BBS9: variants seen among roughly 807,000 people sequenced by gnomAD.
The protein encoded by BBS9 is protein PTHB1.
In BBS9, 89 loss-of-function variants were observed where a neutral mutation model predicts 117.7. That is an observed-to-expected ratio of 0.76 (90% CI 0.64 to 0.90). The LOEUF is 0.90. BBS9 is among the 40% of genes least tolerant of loss of function. The pLI is 0.00. For missense variants in BBS9, 982 were observed against 1,042.2 expected, an observed-to-expected ratio of 0.94 and a Z score of 0.80; for synonymous variants, 379 against 370.9, an observed-to-expected ratio of 1.02 and a Z score of -0.25.
At chr7:33,358,981 C>T (rs181746593) in intron 16 of BBS9, among the ~76,000 whole-genome samples, 2 of 151,760 alleles carry the variant, frequency 1.3e-5, no homozygotes, top group East Asian at 1.9e-4. Flanking sequence ...AAATATTTTA[C>T]TACAATTATT....
chr7:33,364,305 G>A (rs972048284), intron 16 of BBS9, among the ~76,000 whole-genome samples: 2 of 152,074 alleles, frequency 1.3e-5, no homozygotes, highest in African/African-American at 4.8e-5. Context: ...TTGTATCTAT[G>A]TTCATGAGAG....
downstream of BBS9, among the ~76,000 whole-genome samples, chr7:33,610,597 G>A (rs112439272): frequency 2.3e-4 from 35 of 152,064 alleles, no homozygotes; most frequent in Non-Finnish European, 4.3e-4. Context: ...CTCTTCATGA[G>A]GGCAGAGCCC....
At chr7:33,390,658 AGT>A in intron 19 of BBS9, 1 of 924,828 alleles carries the variant, frequency 1.1e-6, no homozygotes, top group Non-Finnish European at 1.3e-6. Context: ...CCGTTTAGTC[AGT>A]TTTTTAATGA....
intron 19 of BBS9, among the ~76,000 whole-genome samples, chr7:33,416,316 G>A (rs1307544905): frequency 6.6e-6 from 1 of 150,628 alleles, no homozygotes; most frequent in African/African-American, 2.4e-5. Context: ...CTTCACCACT[G>A]GTATTGTCTC....
At chr7:33,417,076 A>G (rs1230212814) in intron 19 of BBS9, among the ~76,000 whole-genome samples, 1 of 152,336 alleles carries the variant, frequency 6.6e-6, no homozygotes, top group East Asian at 1.9e-4. Flanking sequence ...TATGCACCCC[A>G]ATAGCTACAA....
intron 21 of BBS9, among the ~76,000 whole-genome samples, chr7:33,623,553 A>G (rs764026507): frequency 3.3e-5 from 5 of 151,872 alleles, no homozygotes; most frequent in Non-Finnish European, 5.9e-5. Flanking sequence ...ATCTTGCCCA[A>G]TAGGAATTTT....
intron 17 of BBS9, among the ~76,000 whole-genome samples, chr7:33,368,820 G>C (rs1563074800): frequency 6.6e-6 from 1 of 152,084 alleles, no homozygotes; most frequent in Non-Finnish European, 1.5e-5. Flanking sequence ...TTTAGAAACT[G>C]TAACAATGTT....
intron 21 of BBS9, among the ~76,000 whole-genome samples, chr7:33,612,710 C>T (rs912518370): frequency 2.0e-5 from 3 of 152,122 alleles, no homozygotes; most frequent in Admixed American, 2.0e-4. Flanking sequence ...GTCTTGTTTG[C>T]CTGATTATCC....
intron 9 of BBS9, among the ~76,000 whole-genome samples, chr7:33,302,047 C>G (rs555967317): frequency 9.3e-4 from 142 of 152,268 alleles, no homozygotes; most frequent in African/African-American, 3.2e-3. Context: ...AGCACCTTCT[C>G]ATATGCTTGT....
chr7:33,378,715 A>C (rs1314392817), intron 17 of BBS9, among the ~76,000 whole-genome samples: 2 of 152,230 alleles, frequency 1.3e-5, no homozygotes, highest in Non-Finnish European at 2.9e-5. Flanking sequence ...AGTTTGGGGC[A>C]CTGCTGCCTT....
intron 5 of BBS9, among the ~76,000 whole-genome samples, chr7:33,218,539 A>G (rs574341268): frequency 1.3e-5 from 2 of 152,362 alleles, no homozygotes; most frequent in Non-Finnish European, 2.9e-5. Flanking sequence ...TATTAACCAC[A>G]TGTGGCATTG....
chr7:33,436,612 A>G (rs1835337744), intron 19 of BBS9, among the ~76,000 whole-genome samples: 1 of 152,234 alleles, frequency 6.6e-6, no homozygotes, highest in African/African-American at 2.4e-5. Flanking sequence ...TTATTTGTTA[A>G]GACTCACCTC....
intron 9 of BBS9, among the ~76,000 whole-genome samples, chr7:33,320,970 CTTA>C (rs1811590696): frequency 6.6e-6 from 1 of 152,018 alleles, no homozygotes; most frequent in African/African-American, 2.4e-5. Flanking sequence ...CCCAGACCCA[CTTA>C]TTGAAGAGAC....
intron 6 of BBS9, among the ~76,000 whole-genome samples, chr7:33,261,393 G>A (rs1797960445): frequency 6.6e-6 from 1 of 152,204 alleles, no homozygotes; most frequent in Admixed American, 6.5e-5. Context: ...ACTGATAAAA[G>A]AGTGAAAAGT....
At chr7:33,293,192 A>T (rs981679830) in intron 9 of BBS9, among the ~76,000 whole-genome samples, 1 of 152,026 alleles carries the variant, frequency 6.6e-6, no homozygotes, top group African/African-American at 2.4e-5. Flanking sequence ...TTACCATGAA[A>T]ATATTTTATA....
chr7:33,189,588 T>A (rs2128188227), intron 5 of BBS9, among the ~76,000 whole-genome samples: 1 of 145,802 alleles, frequency 6.9e-6, no homozygotes, highest in African/African-American at 2.5e-5. Flanking sequence ...AATGTTTTTT[T>A]AATTAAAAAA....
intron 5 of BBS9, among the ~76,000 whole-genome samples, chr7:33,250,237 T>C (rs116838496): frequency 0.014 from 2,080 of 152,268 alleles, 40 homozygotes; most frequent in African/African-American, 0.048. Context: ...GGGACTATTG[T>C]CTCTTTTTTA....
intron 5 of BBS9, among the ~76,000 whole-genome samples, chr7:33,218,585 C>G (rs530140715): frequency 4.6e-5 from 7 of 152,162 alleles, no homozygotes; most frequent in Non-Finnish European, 1.0e-4. Context: ...GTTACAGAAG[C>G]CTTTTAGTTA....
chr7:33,394,256 TG>T (rs1827570606), intron 19 of BBS9, among the ~76,000 whole-genome samples: 2 of 152,172 alleles, frequency 1.3e-5, no homozygotes, highest in African/African-American at 4.8e-5. Context: ...TCCAGGGACA[TG>T]GATGGAGCTG....
Sources: gnomAD v4.1 joint callset for allele counts (sites outside exome capture counted in the v4.1 genomes callset) on GRCh38, gnomAD v4.1.1 for gene constraint, MANE v1.5 for transcripts, NCBI Gene and HGNC (gene_info 2026-07-23, HGNC 2026-07-21) for gene names.